Variants in TRIM63 observed in about 807,000 individuals in gnomAD.
The protein encoded by TRIM63 is E3 ubiquitin-protein ligase TRIM63.
TRIM63 carries 48 observed loss-of-function variants against 46.0 expected under a neutral mutation model. The ratio of observed to expected loss-of-function variants is 1.04; its 90% CI spans 0.83 to 1.33. TRIM63 has a LOEUF of 1.33. TRIM63 is among the 40% of genes most tolerant of loss of function. The probability of loss-of-function intolerance (pLI) is 0.00; values close to 1 mark genes in which losing one functional copy is unlikely to be tolerated. For synonymous variants in TRIM63, 175 were observed against 162.8 expected, an observed-to-expected ratio of 1.08 and a Z score of -0.57; for missense variants, 455 against 441.2, an observed-to-expected ratio of 1.03 and a Z score of -0.28.
In TRIM63 at chr1:26,054,087, A is replaced by G. The variant is rs2050547865; in HGVS notation, c.980-123T>C. On this transcript the variant is annotated intron_variant, in intron 7 of 8. Coordinates refer to ENST00000374272, the MANE Select transcript of TRIM63 (RefSeq NM_032588.4). ...CTGTGCCCAGTCGGGTCAAACGGCC[A>G]CACAGCGGCGGCAGTGGTCTGGGAG... The G allele has an allele frequency of 7.9e-6, 5 of 636,044 alleles. No individual in the cohort carries two copies. In the South Asian group the frequency reaches 1.1e-4, roughly 14 times the overall value. 39.4% of individuals were successfully genotyped at this position (636,044 alleles called of 1,614,324 possible).
rs771394690 is a variant in TRIM63, at chr1:26,057,345, A to G, written c.855-18T>C. On this transcript the variant is annotated intron_variant, in intron 6 of 8. Transcript: ENST00000374272. ...CCACAATGCTGCAGGGGAGACAGAA[A>G]GAGAGGCAGGATGAGGTCTCTGGGG... is the stretch of plus-strand genomic sequence containing the variant. The G allele has an allele frequency of 1.2e-5, 19 of 1,612,998 alleles. No homozygotes were observed. The highest frequency in any genetic ancestry group is 1.5e-5 in the Non-Finnish European group (18 of 1,179,852).
intron 7 of TRIM63, 70 bp from the exon 8 acceptor site, chr1:26,054,034 C>A: frequency 2.7e-6 from 3 of 1,125,320 alleles, no homozygotes; most frequent in South Asian, 3.0e-5. Flanking sequence ...AGGAACCAGG[C>A]AAGAGAGAGC....
rs763329035 is a variant in TRIM63 at position 26,057,230 on chromosome 1, C to A, written c.952G>T (p.Ala318Ser). 1 of 1,614,160 alleles carries A rather than the reference C, an allele frequency of 6.2e-7. No homozygotes were observed. The highest frequency in any genetic ancestry group is 8.5e-7 in the Non-Finnish European group (1 of 1,180,022). Residue 318 changes from alanine to serine, a missense_variant, in exon 7 of 9, where the codon GCC (alanine) becomes TCC (serine). Transcript: ENST00000374272. ...FTLDLEHIAD[A>S]LRAIDFGTDE... is the part of the protein sequence containing the mutation. ...GTCCCAAAGTCAATGGCTCTCAGGG[C>A]GTCTGCTATGTGCTCTAAATCCAAA...
chr1:26,061,001 C>G (rs181692510), intron 3 of TRIM63, among the ~76,000 whole-genome samples, 165 bp downstream of exon 3: 213 of 152,230 alleles, frequency 1.4e-3, no homozygotes, highest in African/African-American at 4.9e-3. Context: ...GCTGCCTCCC[C>G]TAGGAAGGCC....
At chr1:26,067,268 AG>A (rs2050686822) in intron 1 of TRIM63, 67 bp downstream of exon 1, 2 of 1,574,872 alleles carry the variant, frequency 1.3e-6, no homozygotes, top group Non-Finnish European at 1.7e-6. Context: ...CTAAGGGAGA[AG>A]GGTTTCATCA....
rs2050611612 is a variant in TRIM63, at chr1:26,060,301, T to C, written c.562A>G (p.Ile188Val). ...CGACGGGAATCCTCCAGCTGAGTGA[T>C]GATGGTCTGCACACGGTCATTCCCC... is the stretch of plus-strand genomic sequence containing the variant. ...VAGNDRVQTIITQLEDSRRVT... is the reference protein window; with the variant it reads ...VAGNDRVQTIVTQLEDSRRVT... The change falls in exon 4 of 9, where the codon ATC becomes GTC. Residue 188 changes from isoleucine to valine, a missense_variant. Coordinates refer to ENST00000374272, the MANE Select transcript of TRIM63 (RefSeq NM_032588.4). The C allele has an allele frequency of 3.7e-6, 6 of 1,613,956 alleles. No homozygotes were observed. In the South Asian group the frequency reaches 5.5e-5, roughly 15 times the overall value.
At chr1:26,051,942 A>T (rs2050526660) in intron 8 of TRIM63, 59 bp from the exon 9 acceptor site, 1 of 1,271,380 alleles carries the variant, frequency 7.9e-7, no homozygotes, top group African/African-American at 1.5e-5. Flanking sequence ...GGAGGATCCA[A>T]GGCTTACCAA....
At position 26,061,309 on chromosome 1, in the gene TRIM63, G is replaced by C; in HGVS notation, c.358C>G (p.Pro120Ala). Residue 120 changes from proline to alanine, a missense_variant, in exon 3 of 9, where the codon CCC becomes GCC. By Grantham distance (27) the Pro-to-Ala change is conservative. Coordinates refer to ENST00000374272, the MANE Select transcript of TRIM63 (RefSeq NM_032588.4). ...TCATCTTCGTGCTCCTTGCACATGG[G>C]GTGACTGCCCTTCTGCAGCGGCCGA... ...SSRPLQKGSHPMCKEHEDEKI... is the reference protein window; with the variant it reads ...SSRPLQKGSHAMCKEHEDEKI... 1 of 1,614,124 alleles carries C rather than the reference G, an allele frequency of 6.2e-7. No individual in the cohort carries two copies. The highest frequency in any genetic ancestry group is 8.5e-7 in the Non-Finnish European group (1 of 1,180,016).
chr1:26,064,070 C>A (rs1053476628), intron 2 of TRIM63, among the ~76,000 whole-genome samples: 8 of 152,302 alleles, frequency 5.3e-5, no homozygotes, highest in East Asian at 1.9e-4. Context: ...CCAAGGCGGG[C>A]GCATTACCTG....
Position 26,051,881 on chromosome 1 carries a change from G to T in TRIM63, c.1054C>A (p.His352Asn), listed in dbSNP as rs1463216043. The change falls in exon 9 of 9, where the codon CAC becomes AAC. Residue 352 changes from histidine to asparagine, a missense_variant and splice_region_variant. Transcript: ENST00000374272. ...EESTEGKEEG[H>N]Q ...CTCATTCATCCAGCTCCTTACTGGT[G>T]TCCTGAAATGAAGAAAAAGATACAG... is the stretch of plus-strand genomic sequence containing the variant. The T allele has an allele frequency of 7.6e-7, 1 of 1,321,860 alleles. No individual in the cohort carries two copies. Among genetic ancestry groups the T allele is most frequent in the Non-Finnish European group, 9.7e-7 (1 of 1,027,340 alleles). 81.9% of individuals were successfully genotyped at this position (1,321,860 alleles called of 1,614,324 possible).
At chr1:26,052,362 A>T (rs1037925163) in intron 8 of TRIM63, among the ~76,000 whole-genome samples, 2 of 152,062 alleles carry the variant, frequency 1.3e-5, no homozygotes, top group African/African-American at 4.8e-5. Flanking sequence ...GCAAACTCAG[A>T]TGCCTACAAG....
intron 3 of TRIM63, 114 bp downstream of exon 3, chr1:26,061,052 G>T: frequency 1.7e-6 from 2 of 1,206,886 alleles, no homozygotes; most frequent in Non-Finnish European, 2.3e-6. Context: ...CCTCCAGAGA[G>T]ACTATTCCTG....
rs902319392 is a variant in TRIM63 at position 26,058,447 on chromosome 1, C to A, written c.774G>T (p.Lys258Asn). The change falls in exon 5 of 9, where the codon AAG (lysine) becomes AAT (asparagine). Residue 258 changes from lysine (K) to asparagine (N), a missense_variant. Physicochemically the swap from Lys to Asn is moderately conservative, Grantham distance 94 (BLOSUM62 0). Coordinates refer to ENST00000374272, the MANE Select transcript of TRIM63 (RefSeq NM_032588.4). The stretch of plus-strand genomic sequence containing the variant: ...GGGACTGGATGGCAGTTTCCACCAG[C>A]TTTGTGGACTTGTCCAGCTGCTCCT... ...QYQEQLDKST[K>N]LVETAIQSLD... 1.9e-6 allele frequency: 3 copies of A among 1,614,066 alleles called. No individual in the cohort carries two copies. The African/African-American group carries it at 4.0e-5, about 22-fold the overall frequency.
intron 2 of TRIM63, among the ~76,000 whole-genome samples, chr1:26,062,708 G>C (rs776996338): frequency 1.1e-4 from 16 of 152,168 alleles, no homozygotes; most frequent in Non-Finnish European, 2.2e-4. Flanking sequence ...CCTGTTATTT[G>C]TGCTTCTCTT....
chr1:26,059,593 G>C lies in TRIM63; in HGVS notation c.597+673C>G, dbSNP rs1376907800. ...TCTCATCAGACCGGGAGCCTCTCGT[G>C]GGTGATCACAATGTTCCCCTCCTTC... On this transcript the variant is annotated intron_variant, in intron 4 of 8. Transcript: ENST00000374272. Among the ~76,000 whole-genome samples, 8 of 152,106 alleles carry C rather than the reference G, an allele frequency of 5.3e-5. 1 individual carries two copies. In the South Asian group the frequency reaches 8.3e-4, roughly 16 times the overall value.
rs1436933856 is a variant in TRIM63, at chr1:26,066,305, C to G, written c.295G>C (p.Glu99Gln). The G allele has an allele frequency of 6.2e-7, 1 of 1,614,118 alleles. No homozygotes were observed. The highest frequency in any genetic ancestry group is 8.5e-7 in the Non-Finnish European group (1 of 1,180,010). The part of the protein sequence containing the change: ...VYGLQRNLLV[E>Q]NIIDIYKQEC... Reference sequence around the variant, plus strand: ...TGTTTGTAGATGTCGATGATGTTCTCCACCAGCAGGTTCCTCTGCAGGCCG... The same window carrying G: ...TGTTTGTAGATGTCGATGATGTTCTGCACCAGCAGGTTCCTCTGCAGGCCG... Residue 99 changes from glutamate to glutamine, a missense_variant, in exon 2 of 9, where the codon GAG (glutamate) becomes CAG (glutamine). By Grantham distance (29) the Glu-to-Gln change is conservative. Coordinates refer to ENST00000374272, the MANE Select transcript of TRIM63 (RefSeq NM_032588.4).
intron 8 of TRIM63, among the ~76,000 whole-genome samples, chr1:26,052,365 C>G (rs901233004): frequency 6.6e-6 from 1 of 151,980 alleles, no homozygotes; most frequent in Non-Finnish European, 1.5e-5. Flanking sequence ...AACTCAGATG[C>G]CTACAAGGAG....
chr1:26,065,513 C>A (rs1441441841), intron 2 of TRIM63, among the ~76,000 whole-genome samples: 1 of 152,102 alleles, frequency 6.6e-6, no homozygotes, highest in Non-Finnish European at 1.5e-5. Context: ...CACTATGTTG[C>A]CCTGACTTGT....
At chr1:26,062,097 G>A (rs916937406) in intron 2 of TRIM63, among the ~76,000 whole-genome samples, 1 of 151,916 alleles carries the variant, frequency 6.6e-6, no homozygotes, top group Admixed American at 6.6e-5. Flanking sequence ...ATGAAACCCC[G>A]TCTCTACTAA....
Sources: allele counts gnomAD v4.1 joint callset (sites outside exome capture counted in the v4.1 genomes callset), GRCh38; gene constraint gnomAD v4.1.1; transcripts MANE v1.5; gene names NCBI Gene and HGNC (gene_info 2026-07-23, HGNC 2026-07-21).